Variants in ZNF695 observed in about 807,000 individuals in gnomAD.
ZNF695 encodes zinc finger protein 695, also known as zinc finger protein SBZF3.
Under a neutral mutation model 11.2 loss-of-function variants are expected in ZNF695, and 11 were observed. The observed-to-expected ratio is 0.98, with a 90% CI of 0.62 to 1.62. The LOEUF (loss-of-function observed/expected upper bound fraction) is 1.62, where lower values mean the gene tolerates loss of function less well. ZNF695 is among the 40% of genes most tolerant of loss of function. The pLI, the probability that ZNF695 is intolerant of heterozygous loss-of-function variation, is 0.00. For missense variants in ZNF695, 559 were observed against 590.5 expected (o/e 0.95, Z 0.55); for synonymous variants, 190 against 201.4 (o/e 0.94, Z 0.48).
intron 4 of ZNF695, among the ~76,000 whole-genome samples, chr1:246,980,202 A>AC (rs1378713401): frequency 6.6e-6 from 1 of 150,918 alleles, no homozygotes; most frequent in African/African-American, 2.4e-5. Context: ...AAAAAAAAAA[A>AC]AACTTATGCT....
chr1:246,975,400 A>G (rs1228962042), intron 4 of ZNF695, among the ~76,000 whole-genome samples: 1 of 152,206 alleles, frequency 6.6e-6, no homozygotes, highest in African/African-American at 2.4e-5. Flanking sequence ...ACTCCAAAGG[A>G]AATATGCAAT....
chr1:246,987,660 T>G lies in ZNF695; in HGVS notation c.855A>C (p.Lys285Asn). The change falls in exon 4 of 4, where the codon AAA (lysine) becomes AAC (asparagine). Residue 285 changes from lysine (K) to asparagine (N), a missense_variant. Coordinates refer to ENST00000339986, the MANE Select transcript of ZNF695 (RefSeq NM_020394.5). ...TCTCTCCAGTATGAATTTTCTTATG[T>G]TTAGTAAGAACTGAGCACAGGTTAA... ...KAFNLCSVLTKHKKIHTGEKP... is the reference protein window; with the variant it reads ...KAFNLCSVLTNHKKIHTGEKP... 1 of 1,601,320 alleles carries G rather than the reference T, an allele frequency of 6.2e-7. No individual in the cohort carries two copies. The highest frequency in any genetic ancestry group is 8.5e-7 in the Non-Finnish European group (1 of 1,175,434).
chr1:246,959,307 AAAAATATATATATATATATATATATAT>A (rs1425026149), intron 5 of ZNF695, among the ~76,000 whole-genome samples: 6 of 66,026 alleles, frequency 9.1e-5, no homozygotes, highest in Non-Finnish European at 1.4e-4. Flanking sequence ...AAAAAAAAAA[AAAAATATATATATATATATATATATAT>A]ATATATATAT....
downstream of ZNF695, among the ~76,000 whole-genome samples, chr1:246,980,564 G>T (rs1411158103): frequency 1.3e-5 from 2 of 151,830 alleles, no homozygotes; most frequent in African/African-American, 4.8e-5. Context: ...TTACAGGCGT[G>T]CACCACCACA....
At chr1:246,999,096 C>T (rs1218547122) in intron 3 of ZNF695, among the ~76,000 whole-genome samples, 2 of 151,726 alleles carry the variant, frequency 1.3e-5, no homozygotes, top group African/African-American at 2.4e-5. Flanking sequence ...TCATGCAGTC[C>T]CCTATAAACT....
intron 1 of ZNF695, among the ~76,000 whole-genome samples, chr1:247,007,467 G>C (rs1265005457): frequency 1.6e-5 from 2 of 127,204 alleles, no homozygotes; most frequent in African/African-American, 6.2e-5. Context: ...CCGAACTCCA[G>C]CCTGGCGACA....
At chr1:246,954,269 C>T (rs1667936793) in intron 5 of ZNF695, among the ~76,000 whole-genome samples, 1 of 152,142 alleles carries the variant, frequency 6.6e-6, no homozygotes, top group Non-Finnish European at 1.5e-5. Flanking sequence ...AGAATAAAAA[C>T]CCAAATATTG....
At chr1:246,948,297 C>G (rs1667789379) in intron 5 of ZNF695, among the ~76,000 whole-genome samples, 1 of 151,878 alleles carries the variant, frequency 6.6e-6, no homozygotes, top group Admixed American at 6.6e-5. Context: ...TGGTCTTGAA[C>G]TCCTGACCTC....
intron 5 of ZNF695, among the ~76,000 whole-genome samples, chr1:246,959,311 ATATATATATATATATATATAT>A (rs374477812): frequency 0.12 from 2,507 of 21,110 alleles, 441 homozygotes; most frequent in Middle Eastern, 0.18. Context: ...AAAAAAAAAA[ATATATATATATATATATATAT>A]ATATATATAT....
At chr1:246,977,746 A>G (rs1011804231) in intron 4 of ZNF695, among the ~76,000 whole-genome samples, 2 of 152,242 alleles carry the variant, frequency 1.3e-5, no homozygotes, top group African/African-American at 2.4e-5. Context: ...AGACTTTTGT[A>G]TAGTATCAGA....
Position 246,987,643 on chromosome 1 carries a change from G to A in ZNF695, c.872C>T (p.Thr291Ile). ...SVLTKHKKIH[T>I]GEKPYKCEEC... The stretch of plus-strand genomic sequence containing the variant: ...TTCACATTTGTATGGTTTCTCTCCA[G>A]TATGAATTTTCTTATGTTTAGTAAG... The change falls in exon 4 of 4, where the codon ACT becomes ATT. Residue 291 changes from threonine to isoleucine, a missense_variant. Thr to Ile is a moderately conservative substitution (Grantham distance 89, BLOSUM62 -1). Coordinates refer to ENST00000339986, the MANE Select transcript of ZNF695 (RefSeq NM_020394.5). 6.2e-7 allele frequency: 1 copy of A among 1,603,600 alleles called. No homozygotes were observed. Among genetic ancestry groups the A allele is most frequent in the Non-Finnish European group, 8.5e-7 (1 of 1,176,204 alleles).
In ZNF695 at chr1:246,986,800, T is replaced by G. The variant is rs536749758; in HGVS notation, c.*167A>C. 5.8e-6 allele frequency: 8 copies of G among 1,386,214 alleles called. No homozygotes were observed. The African/African-American group carries it at 1.2e-4, about 20-fold the overall frequency. The allele number at this position is 1,386,214 out of a possible 1,614,324, so 85.9% of individuals were successfully genotyped here. On this transcript the variant is annotated 3_prime_UTR_variant, in exon 4 of 4. Coordinates refer to ENST00000339986, the MANE Select transcript of ZNF695 (RefSeq NM_020394.5). ...AGGTGTTGAACCGGTCTATTTGTATTGTTCGTAGCCTAAACATTTTAGTGC... is the reference window on the plus strand; with the variant it reads ...AGGTGTTGAACCGGTCTATTTGTATGGTTCGTAGCCTAAACATTTTAGTGC...
At chr1:246,961,102 C>G (rs1468550281) in intron 5 of ZNF695, among the ~76,000 whole-genome samples, 1 of 152,084 alleles carries the variant, frequency 6.6e-6, no homozygotes, top group Non-Finnish European at 1.5e-5. Flanking sequence ...AGTTGATGAC[C>G]AAGAAACTTA....
intron 5 of ZNF695, among the ~76,000 whole-genome samples, chr1:246,949,590 C>CAA (rs11413731): frequency 0.013 from 1,412 of 106,484 alleles, 25 homozygotes; most frequent in African/African-American, 0.038. Flanking sequence ...GACCCTGTCT[C>CAA]AAAAAAAAAG....
At position 246,974,039 on chromosome 1, in the gene ZNF695, A is replaced by G. The variant is rs1572516240; in HGVS notation, c.391-6247T>C. Among the ~76,000 whole-genome samples the G allele has an allele frequency of 3.3e-5, 5 of 152,232 alleles. No homozygotes were observed. In the South Asian group the frequency reaches 1.0e-3, roughly 32 times the overall value. Reference sequence around the variant, plus strand: ...ATTATTTTAAGTATTTTTAAGTATTAAGTATTTTTTCATAAGCAGATGTGC... The same window carrying G: ...ATTATTTTAAGTATTTTTAAGTATTGAGTATTTTTTCATAAGCAGATGTGC... On this transcript the variant is annotated intron_variant, in intron 4 of 5. Transcript: ENST00000487338.
At position 246,987,489 on chromosome 1, in the gene ZNF695, A is replaced by C; in HGVS notation, c.1026T>G (p.His342Gln). Residue 342 changes from histidine (H) to glutamine (Q), a missense_variant, in exon 4 of 4, where the codon CAT (histidine) becomes CAG (glutamine). Physicochemically the swap from His to Gln is conservative, Grantham distance 24 (BLOSUM62 0). Coordinates refer to ENST00000339986, the MANE Select transcript of ZNF695 (RefSeq NM_020394.5). ...VFKLLSYLTQHRRIHTGEKTF... is the reference protein window; with the variant it reads ...VFKLLSYLTQQRRIHTGEKTF... ...TTTTCTCTCCAGTATGAATTCTTCT[A>C]TGTTGAGTAAGGTATGACAACAATT... 6.2e-7 allele frequency: 1 copy of C among 1,610,572 alleles called. No homozygotes were observed. Among genetic ancestry groups the C allele is most frequent in the Non-Finnish European group, 8.5e-7 (1 of 1,178,518 alleles).
At chr1:246,988,574 C>T (rs866282822) in intron 3 of ZNF695, among the ~76,000 whole-genome samples, 9 of 152,104 alleles carry the variant, frequency 5.9e-5, no homozygotes, top group Non-Finnish European at 5.9e-5. Flanking sequence ...GAAAAAAAAC[C>T]TTTACCCTAG....
At chr1:246,963,622 G>C (rs1417079487) in intron 5 of ZNF695, among the ~76,000 whole-genome samples, 1 of 152,128 alleles carries the variant, frequency 6.6e-6, no homozygotes, top group Non-Finnish European at 1.5e-5. Context: ...CAGGTGCGGG[G>C]GTTATTGCGA....
chr1:246,962,992 G>T (rs756525193), intron 5 of ZNF695, among the ~76,000 whole-genome samples: 1 of 152,052 alleles, frequency 6.6e-6, no homozygotes, highest in Non-Finnish European at 1.5e-5. Flanking sequence ...ACCTTTCAAC[G>T]ATTCCTCGCT....
Sources: allele counts gnomAD v4.1 joint callset (sites outside exome capture counted in the v4.1 genomes callset), GRCh38; gene constraint gnomAD v4.1.1; transcripts MANE v1.5; gene names NCBI Gene and HGNC (gene_info 2026-07-23, HGNC 2026-07-21).